Variants in FGF13 observed in about 807,000 individuals in gnomAD.
FGF13 encodes the protein fibroblast growth factor 13.
In FGF13, 2 loss-of-function variants were observed where a neutral mutation model predicts 19.5. The observed-to-expected ratio is 0.10, with a 90% CI of 0.04 to 0.32. FGF13 has a LOEUF of 0.32. FGF13 is among the 10% of genes least tolerant of loss of function. The pLI, the probability that FGF13 is intolerant of heterozygous loss-of-function variation, is 1.00. For synonymous variants in FGF13, 72 were observed against 76.9 expected, an observed-to-expected ratio of 0.94 and a Z score of 0.33; for missense variants, 113 against 192.7, an observed-to-expected ratio of 0.59 and a Z score of 2.45.
At position 138,627,333 on chromosome X, in the gene FGF13, C is replaced by G. The variant is rs1443168928; in HGVS notation, c.*5517G>C. The G allele has an allele frequency of 1.8e-5, 2 of 111,752 alleles. No individual in the cohort carries two copies. Among genetic ancestry groups the G allele is most frequent in the Non-Finnish European group, 3.8e-5 (2 of 53,188 alleles). 9.2% of individuals were successfully genotyped at this position (111,752 alleles called of 1,213,427 possible). ...TCTCTTACTCTAATTGCTAACTTTACACAGCATTAAAAACAAATTATTAAG... is the reference window on the plus strand; with the variant it reads ...TCTCTTACTCTAATTGCTAACTTTAGACAGCATTAAAAACAAATTATTAAG... On this transcript the variant is annotated 3_prime_UTR_variant, in exon 5 of 5. Coordinates refer to ENST00000315930, the MANE Select transcript of FGF13 (RefSeq NM_004114.5).
rs1203709668 is a variant in FGF13, at chrX:139,028,582, CGT to C, written c.-112-163934_-112-163933del. The stretch of plus-strand genomic sequence containing the variant: ...AGGCAGAAGAGAGAGGGAGAGAGAG[CGT>C]GTGTGTGTGTGTGTGTGTGTGTGTG... On this transcript the variant is annotated intron_variant, in intron 1 of 2. Transcript: ENST00000421460. Among the ~76,000 whole-genome samples, 46 of 61,579 alleles carry C rather than the reference CGT, an allele frequency of 7.5e-4. 1 individual carries two copies. The highest frequency in any genetic ancestry group is 7.1e-3 in the East Asian group (12 of 1,696). 53.5% of individuals were successfully genotyped at this position (61,579 alleles called of 115,157 possible).
intron 1 of FGF13, among the ~76,000 whole-genome samples, chrX:138,881,723 T>G: frequency 8.9e-6 from 1 of 111,978 alleles, no homozygotes; most frequent in East Asian, 2.8e-4. Context: ...CTCTTTATAT[T>G]TATATTTCTG....
At chrX:138,665,719 G>A (rs1013118076) in intron 3 of FGF13, among the ~76,000 whole-genome samples, 4 of 110,964 alleles carry the variant, frequency 3.6e-5, no homozygotes, top group Non-Finnish European at 7.6e-5. Context: ...CTGAGATGTA[G>A]TGGCACTTAA....
chrX:138,807,515 C>T (rs146791154), intron 3 of FGF13, among the ~76,000 whole-genome samples: 129 of 111,837 alleles, frequency 1.2e-3, no homozygotes, highest in African/African-American at 3.9e-3. Flanking sequence ...ACTATCGATG[C>T]TAGGAAGAAA....
chrX:138,807,901 T>C (rs1470466334), intron 3 of FGF13, among the ~76,000 whole-genome samples: 7 of 111,794 alleles, frequency 6.3e-5, no homozygotes, highest in Non-Finnish European at 1.3e-4. Flanking sequence ...CTATCCTAAA[T>C]ATATATGCAC....
rs965412537 is a variant in FGF13 at position 138,659,483 on chromosome X, T to C, written c.403-23828A>G. Among the ~76,000 whole-genome samples, 3 of 111,736 alleles carry C rather than the reference T, an allele frequency of 2.7e-5. No individual in the cohort carries two copies. In the Admixed American group the frequency reaches 2.8e-4, roughly 11 times the overall value. ...TGGGTGTGTAAATTAGTTCAACCATTGTGGAAGACAGTGTGGCCATTCCTC... is the reference window on the plus strand; with the variant it reads ...TGGGTGTGTAAATTAGTTCAACCATCGTGGAAGACAGTGTGGCCATTCCTC... On this transcript the variant is annotated intron_variant, in intron 3 of 4. Transcript: ENST00000315930.
chrX:139,010,033 A>C (rs2092121245), intron 1 of FGF13, among the ~76,000 whole-genome samples: 1 of 112,179 alleles, frequency 8.9e-6, no homozygotes, highest in African/African-American at 3.2e-5. Flanking sequence ...CAAACTTTAA[A>C]GCAACAGCAA....
intron 1 of FGF13, among the ~76,000 whole-genome samples, chrX:139,028,398 A>G (rs2092208999): frequency 9.0e-6 from 1 of 111,088 alleles, no homozygotes; most frequent in Non-Finnish European, 1.9e-5. Context: ...TCTTATTTCA[A>G]TTGTATGGAA....
At chrX:139,174,293 T>G (rs1264232260) in intron 1 of FGF13, among the ~76,000 whole-genome samples, 1 of 112,595 alleles carries the variant, frequency 8.9e-6, no homozygotes, top group East Asian at 2.8e-4. Flanking sequence ...TTGTAGATTC[T>G]GGATGTTAGC....
intron 1 of FGF13, among the ~76,000 whole-genome samples, chrX:138,919,022 G>A (rs964564544): frequency 9.0e-6 from 1 of 111,575 alleles, no homozygotes; most frequent in African/African-American, 3.3e-5. Context: ...CAAAGAGGCT[G>A]TTTGGTCCCT....
In FGF13 at chrX:138,701,159, A is replaced by G. The variant is rs571286018; in HGVS notation, c.402+1825T>C. ...AGTTAGCTTTTCTCATCAGGGCACC[A>G]TAACGGTGACTGCAACCCATTGAAA... On this transcript the variant is annotated intron_variant, in intron 3 of 4. Coordinates refer to ENST00000315930, the MANE Select transcript of FGF13 (RefSeq NM_004114.5). 3.6e-5 allele frequency among the ~76,000 whole-genome samples: 4 copies of G among 112,459 alleles called. No homozygotes were observed. In the South Asian group the frequency reaches 1.5e-3, roughly 42 times the overall value.
intron 1 of FGF13, among the ~76,000 whole-genome samples, chrX:138,989,739 T>C (rs1290326213): frequency 1.2e-5 from 1 of 85,392 alleles, no homozygotes; most frequent in African/African-American, 4.8e-5. Context: ...ACAATCATAA[T>C]TTACTATTAA....
At chrX:138,653,450 T>TA (rs1212950431) in intron 3 of FGF13, among the ~76,000 whole-genome samples, 3 of 111,847 alleles carry the variant, frequency 2.7e-5, no homozygotes, top group Non-Finnish European at 3.8e-5. Flanking sequence ...ATTAAAAAGT[T>TA]AAATTTTTAA....
chrX:138,738,612 C>T (rs769079821), intron 1 of FGF13, among the ~76,000 whole-genome samples: 1 of 111,653 alleles, frequency 9.0e-6, no homozygotes, highest in African/African-American at 3.3e-5. Flanking sequence ...CAGCTATCTG[C>T]GGCATCTGCC....
rs1015306418 is a variant in FGF13 at position 138,628,335 on chromosome X, T to C, written c.*4515A>G. 2 of 112,300 alleles carry C rather than the reference T, an allele frequency of 1.8e-5. No individual in the cohort carries two copies. The highest frequency in any genetic ancestry group is 6.5e-5 in the African/African-American group (2 of 30,918). The allele number at this position is 112,300 out of a possible 1,213,427, so 9.3% of individuals were successfully genotyped here. A position where few individuals can be genotyped will look rare whatever the true frequency, so the allele number is the denominator to read the frequency against. ...CTATACTTTGCTAATTGTTTTATAA[T>C]TGGAAATGGTCATCTATTATACCAC... On this transcript the variant is annotated 3_prime_UTR_variant, in exon 5 of 5. Coordinates refer to ENST00000315930, the MANE Select transcript of FGF13 (RefSeq NM_004114.5).
intron 3 of FGF13, among the ~76,000 whole-genome samples, chrX:138,669,407 G>C (rs766791229): frequency 9.0e-6 from 1 of 111,043 alleles, no homozygotes; most frequent in East Asian, 2.9e-4. Context: ...AGTGGTATCA[G>C]GCTGGCAATA....
chrX:138,923,433 G>T (rs2091656725), intron 1 of FGF13, among the ~76,000 whole-genome samples: 1 of 112,263 alleles, frequency 8.9e-6, no homozygotes, highest in Admixed American at 9.4e-5. Flanking sequence ...ATATAAGGAT[G>T]ATTCACTGAC....
chrX:138,832,505 G>A (rs1280587725), intron 3 of FGF13, among the ~76,000 whole-genome samples: 1 of 111,689 alleles, frequency 9.0e-6, no homozygotes, highest in Admixed American at 9.5e-5. Context: ...TTTTAATAGG[G>A]TTGTTTGTTT....
At position 139,161,636 on chromosome X, in the gene FGF13, T is replaced by G. The variant is rs755724621; in HGVS notation, c.-113+41780A>C. Among the ~76,000 whole-genome samples the G allele has an allele frequency of 2.7e-5, 3 of 112,160 alleles. No homozygotes were observed. In the South Asian group the frequency reaches 1.1e-3, roughly 42 times the overall value. ...TCTCTGTATGCACATGACATGATTGTAAATTTAGACAATCCCATTGCCTCA... is the reference window on the plus strand; with the variant it reads ...TCTCTGTATGCACATGACATGATTGGAAATTTAGACAATCCCATTGCCTCA... On this transcript the variant is annotated intron_variant, in intron 1 of 2. Transcript: ENST00000421460.
Sources: gnomAD v4.1 joint callset for allele counts (sites outside exome capture counted in the v4.1 genomes callset) on GRCh38, gnomAD v4.1.1 for gene constraint, MANE v1.5 for transcripts, NCBI Gene and HGNC (gene_info 2026-07-23, HGNC 2026-07-21) for gene names.